Variants in DPP10 observed in about 807,000 individuals in gnomAD.
DPP10 encodes inactive dipeptidyl peptidase 10.
A neutral mutation model predicts 120.9 loss-of-function variants in DPP10; 33 were observed. The ratio of observed to expected loss-of-function variants is 0.27; its 90% CI spans 0.21 to 0.37. The LOEUF (loss-of-function observed/expected upper bound fraction) is 0.37. Among genes scored for constraint, DPP10 ranks in the 10% least tolerant of loss-of-function variants. DPP10 has a pLI of 1.00. For synonymous variants in DPP10, 337 were observed against 326.1 expected (o/e 1.03, Z -0.36); for missense variants, 816 against 942.8 (o/e 0.87, Z 1.76).
In DPP10 at chr2:115,709,322, A is replaced by C. The variant is rs2092239688; in HGVS notation, c.577-18494A>C. On this transcript the variant is annotated intron_variant, in intron 7 of 25. Transcript: ENST00000410059. ...AATGAGAAGAATCCCTGAGAGAGTC[A>C]GAGCAGGGGTAACTAGTGGTGTGCA... Among the ~76,000 whole-genome samples the C allele has an allele frequency of 2.6e-5, 4 of 152,226 alleles. No homozygotes were observed. The South Asian group carries it at 8.3e-4, about 32-fold the overall frequency.
intron 1 of DPP10, among the ~76,000 whole-genome samples, chr2:114,497,215 GTGTGTATGCATGTACGTGCGTATACA>G (rs1391409256): frequency 4.7e-5 from 7 of 149,034 alleles, no homozygotes; most frequent in Admixed American, 6.6e-5. Context: ...GTACATATAC[GTGTGTATGCATGTACGTGCGTATACA>G]TGTGTATGCA....
chr2:114,834,504 C>A (rs141187974), intron 1 of DPP10, among the ~76,000 whole-genome samples: 3 of 145,620 alleles, frequency 2.1e-5, no homozygotes, highest in African/African-American at 7.5e-5. Context: ...TATCTACGCA[C>A]CTATGTATAT....
At chr2:115,296,369 C>T (rs867119226) in intron 1 of DPP10, among the ~76,000 whole-genome samples, 7 of 152,046 alleles carry the variant, frequency 4.6e-5, no homozygotes, top group Middle Eastern at 3.2e-3. Flanking sequence ...AGTCGTATTT[C>T]GCCAATGGCT....
intron 1 of DPP10, among the ~76,000 whole-genome samples, chr2:114,843,520 A>G (rs544424891): frequency 6.6e-6 from 1 of 152,216 alleles, no homozygotes; most frequent in South Asian, 2.1e-4. Flanking sequence ...CCTTCTATCT[A>G]TGGCTTATTT....
chr2:115,591,144 A>G (rs371158291), intron 5 of DPP10, among the ~76,000 whole-genome samples: 7 of 152,100 alleles, frequency 4.6e-5, no homozygotes, highest in East Asian at 1.9e-4. Flanking sequence ...TTGCTGTGCA[A>G]AAGCTCTTTA....
intron 1 of DPP10, among the ~76,000 whole-genome samples, chr2:115,061,550 A>G (rs940949580): frequency 1.3e-5 from 2 of 152,246 alleles, no homozygotes; most frequent in Admixed American, 1.3e-4. Context: ...AGTTCAAAAT[A>G]AAGAAATTTT....
intron 3 of DPP10, among the ~76,000 whole-genome samples, chr2:115,475,159 TCTC>T (rs749410713): frequency 2.0e-5 from 3 of 151,840 alleles, no homozygotes; most frequent in Non-Finnish European, 2.9e-5. Flanking sequence ...TGGCAGTACT[TCTC>T]CTCACAGGCC....
intron 1 of DPP10, among the ~76,000 whole-genome samples, chr2:114,922,563 C>T (rs776815168): frequency 6.6e-6 from 1 of 152,234 alleles, no homozygotes; most frequent in South Asian, 2.1e-4. Context: ...CCACCCGCCT[C>T]GGTCTCCCAA....
chr2:115,607,818 G>C (rs2083800721), intron 5 of DPP10, among the ~76,000 whole-genome samples: 1 of 151,936 alleles, frequency 6.6e-6, no homozygotes, highest in African/African-American at 2.4e-5. Context: ...TAGACGCCTG[G>C]GTGGAAACGA....
At chr2:114,650,508 C>T (rs1227850794) in intron 1 of DPP10, among the ~76,000 whole-genome samples, 1 of 152,130 alleles carries the variant, frequency 6.6e-6, no homozygotes, top group East Asian at 1.9e-4. Flanking sequence ...ATTAAGTGTG[C>T]TTTTCAATAC....
chr2:114,469,202 C>A (rs190484680), intron 1 of DPP10, among the ~76,000 whole-genome samples: 1 of 152,166 alleles, frequency 6.6e-6, no homozygotes, highest in African/African-American at 2.4e-5. Context: ...CTGTTTTATT[C>A]CATCATCTTA....
intron 5 of DPP10, among the ~76,000 whole-genome samples, chr2:115,628,579 T>C (rs2085564535): frequency 6.6e-6 from 1 of 152,176 alleles, no homozygotes; most frequent in Non-Finnish European, 1.5e-5. Flanking sequence ...GCTTTCATCA[T>C]GAAATTTTTG....
intron 1 of DPP10, among the ~76,000 whole-genome samples, chr2:114,844,337 C>A (rs547065436): frequency 6.6e-6 from 1 of 151,728 alleles, no homozygotes; most frequent in Non-Finnish European, 1.5e-5. Context: ...AAGACGACAG[C>A]GGTCAGAATA....
chr2:114,901,752 G>T (rs562292583), intron 1 of DPP10, among the ~76,000 whole-genome samples: 2 of 152,212 alleles, frequency 1.3e-5, no homozygotes, highest in Non-Finnish European at 2.9e-5. Flanking sequence ...GACCAGGGCA[G>T]AGCTTTCAGT....
At chr2:115,361,015 C>T (rs1455238005) in intron 3 of DPP10, among the ~76,000 whole-genome samples, 2 of 152,068 alleles carry the variant, frequency 1.3e-5, no homozygotes, top group South Asian at 2.1e-4. Context: ...CTGAGCTTGC[C>T]CAGCTAGTTT....
intron 1 of DPP10, among the ~76,000 whole-genome samples, chr2:114,857,803 T>A (rs1264015432): frequency 6.6e-6 from 1 of 152,088 alleles, no homozygotes; most frequent in East Asian, 1.9e-4. Context: ...GAGGTAAAAG[T>A]GATGAACTCT....
chr2:114,459,821 A>T (rs4241131), intron 1 of DPP10, among the ~76,000 whole-genome samples: 152,266 of 152,310 alleles, frequency 1, 76,111 homozygotes, highest in Non-Finnish European at 1. Flanking sequence ...TGTTTTTAAT[A>T]TTTCTTGAGT....
chr2:114,808,331 C>T (rs1684906998), intron 1 of DPP10, among the ~76,000 whole-genome samples: 1 of 152,104 alleles, frequency 6.6e-6, no homozygotes, highest in South Asian at 2.1e-4. Context: ...CTTCTGTAAA[C>T]ATTCTTTGGT....
intron 1 of DPP10, among the ~76,000 whole-genome samples, chr2:114,572,779 A>T (rs1282026634): frequency 6.6e-6 from 1 of 152,190 alleles, no homozygotes; most frequent in African/African-American, 2.4e-5. Context: ...GTCCATGGGG[A>T]TGACACTGTT....
Sources: gnomAD v4.1 joint callset for allele counts (sites outside exome capture counted in the v4.1 genomes callset) on GRCh38, gnomAD v4.1.1 for gene constraint, MANE v1.5 for transcripts, NCBI Gene and HGNC (gene_info 2026-07-23, HGNC 2026-07-21) for gene names.